Variants in CCDC93 observed in about 807,000 individuals in gnomAD.
CCDC93 encodes CCC complex scaffolding subunit CCDC93.
In CCDC93, 61 loss-of-function variants were observed where a neutral mutation model predicts 108.2. The ratio of observed to expected loss-of-function variants is 0.56; its 90% CI spans 0.46 to 0.70. The LOEUF (loss-of-function observed/expected upper bound fraction) is 0.70, where lower values mean the gene tolerates loss of function less well. CCDC93 is among the 30% of genes least tolerant of loss of function. The pLI, the probability that CCDC93 is intolerant of heterozygous loss-of-function variation, is 0.00. For missense variants in CCDC93, 685 were observed against 764.2 expected, an observed-to-expected ratio of 0.90 and a Z score of 1.22; for synonymous variants, 276 against 260.4, an observed-to-expected ratio of 1.06 and a Z score of -0.58.
intron 11 of CCDC93, 70 bp downstream of exon 11, chr2:117,973,838 G>T: frequency 1.7e-6 from 2 of 1,193,836 alleles, no homozygotes; most frequent in Non-Finnish European, 2.4e-6. Context: ...GGGTAGTGGG[G>T]TAAGGAAGTG....
chr2:117,981,312 T>C (rs1273024067), intron 7 of CCDC93, among the ~76,000 whole-genome samples: 2 of 152,224 alleles, frequency 1.3e-5, no homozygotes, highest in Non-Finnish European at 2.9e-5. Flanking sequence ...ATGATTTTTC[T>C]AAAGGCCTCA....
At chr2:117,928,392 A>G (rs1678199207) in intron 23 of CCDC93, among the ~76,000 whole-genome samples, 1 of 152,230 alleles carries the variant, frequency 6.6e-6, no homozygotes, top group Non-Finnish European at 1.5e-5. Context: ...CAGAATCTAC[A>G]ATGAACTCAA....
chr2:117,976,933 TC>T (rs561607721), intron 8 of CCDC93, among the ~76,000 whole-genome samples: 1 of 134,780 alleles, frequency 7.4e-6, no homozygotes, highest in East Asian at 2.1e-4. Flanking sequence ...TAATAACCAA[TC>T]TTTTTTTTTT....
At chr2:117,924,207 T>G (rs1378249703) in intron 23 of CCDC93, among the ~76,000 whole-genome samples, 1 of 152,044 alleles carries the variant, frequency 6.6e-6, no homozygotes, top group Non-Finnish European at 1.5e-5. Context: ...CTGGAAACTG[T>G]AAAAATCAGA....
In CCDC93 at chr2:117,919,772, T is replaced by C. The variant is rs537735943; in HGVS notation, c.*571A>G. ...GAGGAGCTGGGAACAAAAGGTACCA[T>C]GGCAGGTGAAAGGCCCAAGTGACCA... On this transcript the variant is annotated 3_prime_UTR_variant, in exon 24 of 24. Transcript: ENST00000376300. 12 of 152,354 alleles carry C rather than the reference T, an allele frequency of 7.9e-5. No homozygotes were observed. Among genetic ancestry groups the C allele is most frequent in the African/African-American group, 2.6e-4 (11 of 41,578 alleles). 9.4% of individuals were successfully genotyped at this position (152,354 alleles called of 1,614,324 possible). A position where few individuals can be genotyped will look rare whatever the true frequency, so the allele number is the denominator to read the frequency against.
intron 16 of CCDC93, among the ~76,000 whole-genome samples, chr2:117,946,098 G>A (rs1375798145): frequency 1.3e-5 from 2 of 152,068 alleles, no homozygotes; most frequent in Non-Finnish European, 1.5e-5. Flanking sequence ...GAGTGATAAC[G>A]GCCCTGCAAG....
At chr2:118,013,915 G>A (rs1677089175) in intron 1 of CCDC93, 39 bp downstream of exon 1, 2 of 1,536,170 alleles carry the variant, frequency 1.3e-6, no homozygotes, top group Non-Finnish European at 1.8e-6. Flanking sequence ...CCTCTCTTCA[G>A]GAACCCCGAC....
chr2:117,949,879 C>G lies in CCDC93; in HGVS notation c.1069-484G>C, dbSNP rs1015178865. On this transcript the variant is annotated intron_variant, in intron 13 of 23. Transcript: ENST00000376300. ...AGGATGGTTAACAGACAGGAATGGC[C>G]TCAGGAAGAAGCTGTGTGGAGTTAG... 4 of 985,242 alleles carry G rather than the reference C, an allele frequency of 4.1e-6. No individual in the cohort carries two copies. In the African/African-American group the frequency reaches 7.0e-5, roughly 17 times the overall value. The allele number at this position is 985,242 out of a possible 1,614,324, so 61.0% of individuals were successfully genotyped here. A position where few individuals can be genotyped will look rare whatever the true frequency, so the allele number is the denominator to read the frequency against.
rs565486003 is a variant in CCDC93 at position 117,920,415 on chromosome 2, G to A, written c.1843-19C>T. On this transcript the variant is annotated intron_variant, in intron 23 of 23. Transcript: ENST00000376300. ...GGCCCTCCTGGAGGGAAAGCAGAGAGTATAGAGAGAGTGGTGACTACATTA... is the reference window on the plus strand; with the variant it reads ...GGCCCTCCTGGAGGGAAAGCAGAGAATATAGAGAGAGTGGTGACTACATTA... 2.7e-5 allele frequency: 44 copies of A among 1,601,816 alleles called. No homozygotes were observed. The highest frequency in any genetic ancestry group is 2.3e-4 in the Admixed American group (14 of 59,750).
chr2:117,959,010 T>C (rs1679305899), intron 11 of CCDC93, among the ~76,000 whole-genome samples: 1 of 152,176 alleles, frequency 6.6e-6, no homozygotes, highest in Non-Finnish European at 1.5e-5. Context: ...GGGGATTGAT[T>C]GGAAAGGGAT....
At position 117,920,288 on chromosome 2, in the gene CCDC93, T is replaced by A. The variant is rs1346259033; in HGVS notation, c.*55A>T. On this transcript the variant is annotated 3_prime_UTR_variant, in exon 24 of 24. Coordinates refer to ENST00000376300, the MANE Select transcript of CCDC93 (RefSeq NM_019044.5). ...CAGAACCATTTCATGATCTTGTAGG[T>A]GATATACGGTGCTTAAAAGTAAAAT... is the stretch of plus-strand genomic sequence containing the variant. 8.5e-6 allele frequency: 10 copies of A among 1,177,814 alleles called. No homozygotes were observed. The Admixed American group carries it at 8.7e-5, about 10-fold the overall frequency. The allele number at this position is 1,177,814 out of a possible 1,614,324, so 73.0% of individuals were successfully genotyped here. A position where few individuals can be genotyped will look rare whatever the true frequency, so the allele number is the denominator to read the frequency against.
In CCDC93 at chr2:117,950,676, G is replaced by A. The variant is rs574154639; in HGVS notation, c.1069-1281C>T. 1.6e-3 allele frequency: 1,611 copies of A among 985,340 alleles called. 2 individuals are homozygous for A. The highest frequency in any genetic ancestry group is 1.9e-3 in the Non-Finnish European group (1,549 of 829,954). 61.0% of individuals were successfully genotyped at this position (985,340 alleles called of 1,614,324 possible). On this transcript the variant is annotated intron_variant, in intron 13 of 23. Transcript: ENST00000376300. Reference sequence around the variant, plus strand: ...TACTCCTAACCTTGATAGGTAAGGAGAACCAGGCCCAGAGGTGAAAAACAT... The same window carrying A: ...TACTCCTAACCTTGATAGGTAAGGAAAACCAGGCCCAGAGGTGAAAAACAT...
intron 22 of CCDC93, among the ~76,000 whole-genome samples, chr2:117,933,576 G>A (rs1558770497): frequency 6.6e-6 from 1 of 152,100 alleles, no homozygotes; most frequent in Non-Finnish European, 1.5e-5. Context: ...TTCGGTCATT[G>A]TTACCCAGCG....
chr2:117,936,714 T>C lies in CCDC93; in HGVS notation c.1631A>G (p.Glu544Gly), dbSNP rs1410684207. The C allele has an allele frequency of 6.2e-7, 1 of 1,613,518 alleles. No homozygotes were observed. Among genetic ancestry groups the C allele is most frequent in the Non-Finnish European group, 8.5e-7 (1 of 1,179,414 alleles). ...KEISLLNSIH[E>G]NFSQAMASPA... The stretch of plus-strand genomic sequence containing the variant: ...TGACAGTACTTACTGTGAGAAGTTC[T>C]CATGAATTGAGTTCAGCAGACTAAT... Residue 544 changes from glutamate (E) to glycine (G), a missense_variant, in exon 21 of 24, where the codon GAG becomes GGG. Glu to Gly is a moderately conservative substitution (Grantham distance 98). Transcript: ENST00000376300.
rs903082472 is a variant in CCDC93 at position 117,941,402 on chromosome 2, C to A, written c.1414-105G>T. 7.5e-6 allele frequency: 6 copies of A among 799,404 alleles called. No individual in the cohort carries two copies. In the East Asian group the frequency reaches 7.8e-5, roughly 10 times the overall value. 49.5% of individuals were successfully genotyped at this position (799,404 alleles called of 1,614,324 possible). A position where few individuals can be genotyped will look rare whatever the true frequency, so the allele number is the denominator to read the frequency against. On this transcript the variant is annotated intron_variant, in intron 18 of 23. Transcript: ENST00000376300. ...GCACCCCGACCTGAGCCCAACCATG[C>A]GCCCTACAATGCAGGCACAAACTCC... is the stretch of plus-strand genomic sequence containing the variant.
chr2:117,938,187 C>T (rs1331490448), intron 20 of CCDC93, among the ~76,000 whole-genome samples: 1 of 152,148 alleles, frequency 6.6e-6, no homozygotes, highest in Non-Finnish European at 1.5e-5. Context: ...TAGGTGTCAT[C>T]CCCATTTTAC....
chr2:117,982,867 C>A (rs1367719342), intron 7 of CCDC93, among the ~76,000 whole-genome samples: 1 of 151,920 alleles, frequency 6.6e-6, no homozygotes, highest in Non-Finnish European at 1.5e-5. Flanking sequence ...TTGACAGGGG[C>A]AGGGGAGAAA....
chr2:118,001,344 CAGGCAACAAATAATT>C (rs1235412614), intron 3 of CCDC93, among the ~76,000 whole-genome samples: 1 of 152,128 alleles, frequency 6.6e-6, no homozygotes, highest in Non-Finnish European at 1.5e-5. Context: ...TTCTAAATAT[CAGGCAACAAATAATT>C]ACCAGACCTT....
intron 1 of CCDC93, chr2:118,012,940 G>T (rs1677058177): frequency 6.6e-6 from 1 of 152,196 alleles, no homozygotes; most frequent in South Asian, 2.1e-4. Flanking sequence ...GTCACTGGCA[G>T]GTAAGTGTGA....
Sources: allele counts gnomAD v4.1 joint callset (sites outside exome capture counted in the v4.1 genomes callset), GRCh38; gene constraint gnomAD v4.1.1; transcripts MANE v1.5; gene names NCBI Gene and HGNC (gene_info 2026-07-23, HGNC 2026-07-21).